Variants in MED15 observed in about 807,000 individuals in gnomAD.
MED15 encodes mediator complex subunit 15.
Under a neutral mutation model 118.7 loss-of-function variants are expected in MED15, and 41 were observed. The ratio of observed to expected loss-of-function variants is 0.35; its 90% CI spans 0.27 to 0.45. The LOEUF is 0.45. MED15 is among the 20% of genes least tolerant of loss of function. The pLI, the probability that MED15 is intolerant of heterozygous loss-of-function variation, is 1.00. For missense variants in MED15, 740 were observed against 1,025.5 expected (o/e 0.72, Z 3.80); for synonymous variants, 436 against 413.9 (o/e 1.05, Z -0.65).
At position 20,587,105 on chromosome 22, in the gene MED15, A is replaced by G. The variant is rs765847462; in HGVS notation, c.*401A>G. 9.6e-5 allele frequency: 20 copies of G among 209,382 alleles called. No individual in the cohort carries two copies. Among genetic ancestry groups the G allele is most frequent in the Non-Finnish European group, 1.8e-4 (18 of 102,704 alleles). The allele number at this position is 209,382 out of a possible 1,614,324, so 13.0% of individuals were successfully genotyped here. A position where few individuals can be genotyped will look rare whatever the true frequency, so the allele number is the denominator to read the frequency against. ...CTCGTTCCTATAGAACACAGAGGAC[A>G]TAGGAAACCCTTAAAACACACATGG... On this transcript the variant is annotated 3_prime_UTR_variant, in exon 18 of 18. Transcript: ENST00000263205.
Position 20,554,844 on chromosome 22 carries a change from C to T in MED15, c.239-92C>T, listed in dbSNP as rs141185927. The T allele has an allele frequency of 2.3e-4, 294 of 1,279,256 alleles. 2 individuals are homozygous for T. The East Asian group carries it at 6.0e-3, about 26-fold the overall frequency. 79.2% of individuals were successfully genotyped at this position (1,279,256 alleles called of 1,614,324 possible). On this transcript the variant is annotated intron_variant, in intron 4 of 17. Coordinates refer to ENST00000263205, the MANE Select transcript of MED15 (RefSeq NM_001003891.3). ...TGAGGGGATTGAGCCTGTAGGTAGG[C>T]GAGATCTGTGCTCTGTGAGCCTTAC...
rs1369100492 is a variant in MED15, at chr22:20,566,535, G to A, written c.759G>A (p.Gln253=). 3 of 1,590,366 alleles carry A rather than the reference G, an allele frequency of 1.9e-6. No individual in the cohort carries two copies. Among genetic ancestry groups the A allele is most frequent in the African/African-American group, 2.7e-5 (2 of 73,274 alleles). The change falls in exon 7 of 18, where the codon CAG becomes CAA. Residue 253 remains glutamine (Q), a synonymous_variant. Transcript: ENST00000263205. ...QLQLQQQQQQ[Q]QQQQQQQQQA... is the part of the protein sequence containing the mutation. ...AGCTCCAACAACAGCAACAGCAGCA[G>A]CAGCAGCAGCAGCAGCAGCAGCAGC...
intron 13 of MED15, chr22:20,584,104 C>T (rs2057067091): frequency 1.8e-6 from 1 of 542,204 alleles, no homozygotes; most frequent in Non-Finnish European, 3.3e-6. Flanking sequence ...GACAATGAGG[C>T]ATTCACAGCC....
In MED15 at chr22:20,587,500, C is replaced by T. The variant is rs554351036; in HGVS notation, c.*796C>T. 19 of 255,320 alleles carry T rather than the reference C, an allele frequency of 7.4e-5. No individual in the cohort carries two copies. The South Asian group carries it at 1.7e-3, about 23-fold the overall frequency. 15.8% of individuals were successfully genotyped at this position (255,320 alleles called of 1,614,324 possible). ...GCGGGCCGGGCCATGCAGGGAGCGCCTCCCTATGTTGCCTGCCACTCTGGG... is the reference window on the plus strand; with the variant it reads ...GCGGGCCGGGCCATGCAGGGAGCGCTTCCCTATGTTGCCTGCCACTCTGGG... On this transcript the variant is annotated 3_prime_UTR_variant, in exon 18 of 18. Transcript: ENST00000263205.
intron 1 of MED15, chr22:20,508,518 T>C (rs933921919): frequency 6.3e-6 from 5 of 797,432 alleles, no homozygotes; most frequent in Admixed American, 6.1e-5. Flanking sequence ...CGAAGGGAGA[T>C]AGGGGTGGGG....
chr22:20,533,932 C>G (rs2054954115), intron 1 of MED15, among the ~76,000 whole-genome samples: 2 of 152,194 alleles, frequency 1.3e-5, no homozygotes, highest in African/African-American at 4.8e-5. Flanking sequence ...TCTGACTGTG[C>G]CAGGTGTCTC....
chr22:20,510,309 C>T (rs764243853), intron 1 of MED15, among the ~76,000 whole-genome samples: 1 of 152,136 alleles, frequency 6.6e-6, no homozygotes, highest in Admixed American at 6.6e-5. Flanking sequence ...TTGCTTGAAC[C>T]CGGGAGGCGG....
chr22:20,554,301 T>A (rs543109338), intron 4 of MED15: 2 of 152,554 alleles, frequency 1.3e-5, no homozygotes, highest in Non-Finnish European at 2.9e-5. Context: ...AAGTCCACAC[T>A]GTTGTGACAA....
At chr22:20,529,200 A>G (rs1034361598) in intron 1 of MED15, among the ~76,000 whole-genome samples, 1 of 152,142 alleles carries the variant, frequency 6.6e-6, no homozygotes, top group African/African-American at 2.4e-5. Flanking sequence ...GAAGGGAATT[A>G]AATGTGCAGG....
intron 1 of MED15, among the ~76,000 whole-genome samples, chr22:20,516,682 G>C (rs1356302585): frequency 6.7e-6 from 1 of 148,308 alleles, no homozygotes; most frequent in Non-Finnish European, 1.5e-5. Context: ...ATGACCACGT[G>C]ATTATCTCCC....
chr22:20,551,346 C>T (rs766224258), intron 2 of MED15, 90 bp from the exon 3 acceptor site: 53 of 1,193,902 alleles, frequency 4.4e-5, no homozygotes, highest in Middle Eastern at 1.9e-4. Flanking sequence ...GGCTTCAGCT[C>T]GGTGCCAGCA....
intron 1 of MED15, among the ~76,000 whole-genome samples, chr22:20,524,712 C>T (rs2054572743): frequency 6.6e-6 from 1 of 152,210 alleles, no homozygotes; most frequent in Admixed American, 6.5e-5. Context: ...ACCTCCGCCT[C>T]CCGGGTTCAG....
In MED15 at chr22:20,584,353, C is replaced by T. The variant is rs774455403; in HGVS notation, c.1737-6C>T. ...CTCTTTCAGCCCAAGTCCTCTCTCTCTGCAGGTGTCCCCTGAAGACCTTGC... is the reference window on the plus strand; with the variant it reads ...CTCTTTCAGCCCAAGTCCTCTCTCTTTGCAGGTGTCCCCTGAAGACCTTGC... On this transcript the variant is annotated splice_region_variant and splice_polypyrimidine_tract_variant and intron_variant, in intron 13 of 17. Transcript: ENST00000263205. 12 of 1,613,594 alleles carry T rather than the reference C, an allele frequency of 7.4e-6. No homozygotes were observed. Among genetic ancestry groups the T allele is most frequent in the South Asian group, 5.5e-5 (5 of 91,080 alleles).
chr22:20,578,601 A>G (rs2056890498), intron 9 of MED15, among the ~76,000 whole-genome samples: 1 of 152,146 alleles, frequency 6.6e-6, no homozygotes, highest in Admixed American at 6.5e-5. Context: ...CCCTTCCGAG[A>G]AAAAGAGAGC....
chr22:20,585,068 G>A (rs1203352702), intron 15 of MED15, 33 bp from the exon 16 acceptor site: 2 of 1,613,402 alleles, frequency 1.2e-6, no homozygotes, highest in East Asian at 2.2e-5. Flanking sequence ...TGGGCCGCGT[G>A]TGCCAGGTGT....
intron 2 of MED15, among the ~76,000 whole-genome samples, chr22:20,539,027 A>T (rs1050705670): frequency 6.6e-6 from 1 of 152,152 alleles, no homozygotes; most frequent in African/African-American, 2.4e-5. Flanking sequence ...TTTATTTTGC[A>T]GCTGGCTTAT....
chr22:20,523,223 A>G (rs2054522444), intron 1 of MED15, among the ~76,000 whole-genome samples: 1 of 152,078 alleles, frequency 6.6e-6, no homozygotes, highest in African/African-American at 2.4e-5. Flanking sequence ...TAGGTTTCCC[A>G]TGGCTTAGGT....
chr22:20,545,966 C>G (rs1164856822), intron 2 of MED15, among the ~76,000 whole-genome samples: 1 of 152,176 alleles, frequency 6.6e-6, no homozygotes, highest in Non-Finnish European at 1.5e-5. Context: ...GAGGGCACAT[C>G]CCCACCCTCA....
chr22:20,560,484 C>T (rs189525901), intron 5 of MED15, among the ~76,000 whole-genome samples: 10 of 152,266 alleles, frequency 6.6e-5, no homozygotes, highest in Middle Eastern at 3.4e-3. Context: ...AGGATGTTCT[C>T]GATCTCCAGA....
Sources: gnomAD v4.1 joint callset for allele counts (sites outside exome capture counted in the v4.1 genomes callset) on GRCh38, gnomAD v4.1.1 for gene constraint, MANE v1.5 for transcripts, NCBI Gene and HGNC (gene_info 2026-07-23, HGNC 2026-07-21) for gene names.